The following TNS3 variants were observed in gnomAD, a reference collection of about 807,000 sequenced individuals.
TNS3 encodes the protein tensin 3, also known as tensin-3.
Under a neutral mutation model 140.9 loss-of-function variants are expected in TNS3, and 45 were observed. The observed-to-expected ratio is 0.32, with a 90% confidence interval of 0.25 to 0.41. The LOEUF (loss-of-function observed/expected upper bound fraction) is 0.41. Among genes scored for constraint, TNS3 ranks in the 10% least tolerant of loss-of-function variants. The pLI is 1.00. For synonymous variants in TNS3, 815 were observed against 788.4 expected (o/e 1.03, Z -0.56); for missense variants, 1,716 against 1,906.7 (o/e 0.90, Z 1.86).
intron 1 of TNS3, among the ~76,000 whole-genome samples, chr7:47,549,549 G>T (rs1390694113): frequency 2.0e-5 from 3 of 152,044 alleles, no homozygotes; most frequent in Non-Finnish European, 4.4e-5. Flanking sequence ...GCCCCTGCCT[G>T]TCTCTGGCCT....
chr7:47,561,978 T>A (rs2151999354), intron 1 of TNS3, among the ~76,000 whole-genome samples: 1 of 152,380 alleles, frequency 6.6e-6, no homozygotes, highest in South Asian at 2.1e-4. Flanking sequence ...AGTTATTTAG[T>A]CTGCTTCACA....
chr7:47,394,587 G>A (rs983105638), intron 16 of TNS3, among the ~76,000 whole-genome samples: 9 of 152,214 alleles, frequency 5.9e-5, no homozygotes, highest in African/African-American at 1.7e-4. Flanking sequence ...GAGACACTGC[G>A]GTGGCTGAGA....
chr7:47,527,094 G>T (rs1465775266), intron 2 of TNS3, among the ~76,000 whole-genome samples: 2 of 150,492 alleles, frequency 1.3e-5, no homozygotes. Context: ...AAAATTAGCC[G>T]GGCATGGTGG....
rs555980862 is a variant in TNS3, at chr7:47,395,974, T to C, written c.1024+826A>G. Among the ~76,000 whole-genome samples the C allele has an allele frequency of 4.6e-5, 7 of 152,350 alleles. No individual in the cohort carries two copies. The South Asian group carries it at 1.0e-3, about 23-fold the overall frequency. On this transcript the variant is annotated intron_variant, in intron 16 of 30. Coordinates refer to ENST00000311160, the MANE Select transcript of TNS3 (RefSeq NM_022748.12). ...CACAGACACCCCCTTCCTGGAGTCA[T>C]GGGAAGCTCAGCGATCCACAAAGAT...
At chr7:47,348,859 C>T (rs938592976) in intron 17 of TNS3, among the ~76,000 whole-genome samples, 3 of 152,322 alleles carry the variant, frequency 2.0e-5, no homozygotes, top group Admixed American at 6.5e-5. Context: ...CAGCTGCACT[C>T]GAAGGCACAA....
Position 47,424,178 on chromosome 7 carries a change from G to A in TNS3, c.396C>T (p.Asp132=), listed in dbSNP as rs1794523541. ...MHFTNVSASA[D]QALDRFAMKK... ...TCATTGCAAACCTGTCAAGGGCCTG[G>A]TCGGCGCTGAAGGGGAGAGAGAGAG... The change falls in exon 10 of 31, where the codon GAC becomes GAT. Residue 132 remains aspartate (D), a synonymous_variant. Transcript: ENST00000311160. The A allele has an allele frequency of 4.3e-6, 7 of 1,614,098 alleles. No homozygotes were observed. The highest frequency in any genetic ancestry group is 1.6e-4 in the Middle Eastern group (1 of 6,062).
At chr7:47,475,664 G>A (rs1161083920) in intron 4 of TNS3, among the ~76,000 whole-genome samples, 1 of 152,214 alleles carries the variant, frequency 6.6e-6, no homozygotes, top group African/African-American at 2.4e-5. Flanking sequence ...AGGGCATCAA[G>A]ATTTGCTGGT....
intron 1 of TNS3, among the ~76,000 whole-genome samples, chr7:47,566,693 C>T (rs1027143924): frequency 6.6e-6 from 1 of 152,146 alleles, no homozygotes; most frequent in Non-Finnish European, 1.5e-5. Context: ...AGAAGGGAAT[C>T]GGGTCTCAAC....
rs912486674 is a variant in TNS3, at chr7:47,396,953, T to C, written c.920-49A>G. 6 of 1,413,940 alleles carry C rather than the reference T, an allele frequency of 4.2e-6. No homozygotes were observed. In the African/African-American group the frequency reaches 7.0e-5, roughly 16 times the overall value. The allele number at this position is 1,413,940 out of a possible 1,614,324, so 87.6% of individuals were successfully genotyped here. A position where few individuals can be genotyped will look rare whatever the true frequency, so the allele number is the denominator to read the frequency against. On this transcript the variant is annotated intron_variant, in intron 15 of 30. Coordinates refer to ENST00000311160, the MANE Select transcript of TNS3 (RefSeq NM_022748.12). ...ATTAGTCCCAGTGAAACCCATCACCTCCATCCAACCGACTCCACCATAAGG... is the reference window on the plus strand; with the variant it reads ...ATTAGTCCCAGTGAAACCCATCACCCCCATCCAACCGACTCCACCATAAGG...
intron 1 of TNS3, among the ~76,000 whole-genome samples, chr7:47,564,947 G>A (rs73099511): frequency 3.9e-5 from 6 of 151,980 alleles, no homozygotes; most frequent in African/African-American, 9.7e-5. Context: ...GGAACTCCTC[G>A]TTGTAAGAAA....
chr7:47,493,747 G>A (rs1216816151), intron 3 of TNS3, among the ~76,000 whole-genome samples: 14 of 151,076 alleles, frequency 9.3e-5, no homozygotes, highest in Non-Finnish European at 1.8e-4. Flanking sequence ...AGAATGGCAT[G>A]AACCCAGGAG....
At chr7:47,320,075 C>T (rs1052127085) in intron 20 of TNS3, among the ~76,000 whole-genome samples, 7 of 152,148 alleles carry the variant, frequency 4.6e-5, no homozygotes, top group African/African-American at 1.7e-4. Context: ...ACTCAGAATG[C>T]ATTTTATCTT....
intron 1 of TNS3, chr7:47,557,142 G>T (rs1399141133): frequency 2.2e-6 from 1 of 456,770 alleles, no homozygotes. Flanking sequence ...GATCCACCTT[G>T]GACAAGTCCT....
chr7:47,557,139 C>T (rs1465586208), intron 1 of TNS3: 1 of 456,826 alleles, frequency 2.2e-6, no homozygotes, highest in Admixed American at 2.3e-5. Context: ...TCAGATCCAC[C>T]TTGGACAAGT....
intron 16 of TNS3, among the ~76,000 whole-genome samples, chr7:47,373,385 G>C (rs1791192595): frequency 6.6e-6 from 1 of 152,178 alleles, no homozygotes; most frequent in Non-Finnish European, 1.5e-5. Flanking sequence ...AGAGAATATG[G>C]ACATAAAGTA....
intron 20 of TNS3, among the ~76,000 whole-genome samples, chr7:47,344,542 A>G (rs1008831594): frequency 1.3e-5 from 2 of 152,226 alleles, no homozygotes; most frequent in East Asian, 1.9e-4. Flanking sequence ...ACAGGATGCC[A>G]GGCAGCGATG....
At chr7:47,452,938 T>A (rs1426857544) in intron 4 of TNS3, 1 of 985,360 alleles carries the variant, frequency 1.0e-6, no homozygotes, top group East Asian at 1.1e-4. Context: ...CTTACTGTGC[T>A]GGGCCTGGGC....
rs1562675325 is a variant in TNS3 at position 47,389,085 on chromosome 7, AGGAAGAGGAAGAGGAAGCGGAAGC to A, written c.1024+7691_1024+7714del. Among the ~76,000 whole-genome samples, 115 of 69,354 alleles carry A rather than the reference AGGAAGAGGAAGAGGAAGCGGAAGC, an allele frequency of 1.7e-3. 28 individuals carry two copies. Among genetic ancestry groups the A allele is most frequent in the African/African-American group, 8.2e-3 (106 of 12,992 alleles). The allele number at this position is 69,354 out of a possible 152,430, so 45.5% of individuals were successfully genotyped here. A position where few individuals can be genotyped will look rare whatever the true frequency, so the allele number is the denominator to read the frequency against. On this transcript the variant is annotated intron_variant, in intron 16 of 30. Coordinates refer to ENST00000311160, the MANE Select transcript of TNS3 (RefSeq NM_022748.12). ...GAAGAAGAAGAAGAAGAAGAAGAAGAGGAAGAGGAAGAGGAAGCGGAAGCAGAAGAAGAAGAAGAAGAAGAAGAA... is the reference window on the plus strand; with the variant it reads ...GAAGAAGAAGAAGAAGAAGAAGAAGAAGAAGAAGAAGAAGAAGAAGAAGAA...
At chr7:47,524,926 A>G (rs3111216) in intron 2 of TNS3, among the ~76,000 whole-genome samples, 51,819 of 151,700 alleles carry the variant, frequency 0.34, 10,216 homozygotes, top group Non-Finnish European at 0.44. Context: ...CAGGCGTGAG[A>G]AGAGGGGTGA....
Sources: allele counts gnomAD v4.1 joint callset (sites outside exome capture counted in the v4.1 genomes callset), GRCh38; gene constraint gnomAD v4.1.1; transcripts MANE v1.5; gene names NCBI Gene and HGNC (gene_info 2026-07-23, HGNC 2026-07-21).